The following CHST3 variants were observed in gnomAD, a reference collection of about 807,000 sequenced individuals.
CHST3 encodes C6ST-1.
In CHST3, 20 loss-of-function variants were observed where a neutral mutation model predicts 35.4. The ratio of observed to expected loss-of-function variants is 0.57; its 90% CI spans 0.40 to 0.82. The LOEUF is 0.82. Among genes scored for constraint, CHST3 ranks in the 40% least tolerant of loss-of-function variants. CHST3 has a pLI of 0.00. For missense variants in CHST3, 693 were observed against 670.1 expected (o/e 1.03, Z -0.38); for synonymous variants, 334 against 295.9 (o/e 1.13, Z -1.32).
intron 1 of CHST3, among the ~76,000 whole-genome samples, chr10:71,977,281 G>C (rs1272532686): frequency 6.6e-6 from 1 of 152,184 alleles, no homozygotes; most frequent in African/African-American, 2.4e-5. Context: ...GCAGTCTCAG[G>C]CTCTGGGCTA....
At chr10:71,972,622 C>G (rs190826387) in intron 1 of CHST3, among the ~76,000 whole-genome samples, 2 of 152,304 alleles carry the variant, frequency 1.3e-5, no homozygotes. Context: ...TTCTGCCTCC[C>G]TAGTGGCCAT....
rs1460879406 is a variant in CHST3, at chr10:72,012,622, A to C, written c.*4151A>C. ...CTGATACCTGAGGCAAGGAGAGCTA[A>C]GGGGAGAGAAATTGGGGCTGAGTGG... On this transcript the variant is annotated 3_prime_UTR_variant, in exon 3 of 3. Transcript: ENST00000373115. 6.5e-6 allele frequency: 1 copy of C among 152,714 alleles called. No individual in the cohort carries two copies. The highest frequency in any genetic ancestry group is 2.4e-5 in the African/African-American group (1 of 41,470). The allele number at this position is 152,714 out of a possible 1,614,324, so 9.5% of individuals were successfully genotyped here.
chr10:71,986,109 C>T (rs1245717029), intron 1 of CHST3, among the ~76,000 whole-genome samples: 2 of 152,230 alleles, frequency 1.3e-5, no homozygotes, highest in African/African-American at 4.8e-5. Flanking sequence ...GTTCTCCTGG[C>T]ATCCCTCCCT....
intron 1 of CHST3, among the ~76,000 whole-genome samples, chr10:71,981,251 G>C (rs926157292): frequency 1.3e-5 from 2 of 152,178 alleles, no homozygotes; most frequent in Non-Finnish European, 2.9e-5. Flanking sequence ...CCTCGGCCTT[G>C]CAGCCTGCCA....
chr10:71,992,609 A>G (rs1292322578), intron 1 of CHST3, among the ~76,000 whole-genome samples: 2 of 151,430 alleles, frequency 1.3e-5, no homozygotes, highest in Non-Finnish European at 2.9e-5. Flanking sequence ...ATTAGAGTCA[A>G]TTCTTTCTAA....
chr10:72,007,724 C>G lies in CHST3; in HGVS notation c.693C>G (p.Asp231Glu). ...RRGSSRSLCE[D>E]PVCTPFVKKV... ...GCTCCAGCCGCTCCCTGTGCGAGGA[C>G]CCCGTCTGTACGCCCTTCGTCAAGA... The change falls in exon 3 of 3, where the codon GAC becomes GAG. Residue 231 changes from aspartate (D) to glutamate (E), a missense_variant. Asp to Glu is a conservative substitution (Grantham distance 45). Transcript: ENST00000373115. 1 of 1,605,190 alleles carries G rather than the reference C, an allele frequency of 6.2e-7. No homozygotes were observed. The highest frequency in any genetic ancestry group is 2.2e-5 in the East Asian group (1 of 44,862).
intron 1 of CHST3, among the ~76,000 whole-genome samples, chr10:72,000,352 G>C (rs1012570044): frequency 6.6e-6 from 1 of 152,160 alleles, no homozygotes; most frequent in Non-Finnish European, 1.5e-5. Flanking sequence ...CGGAGTCAAC[G>C]TTCTGGGGGA....
At chr10:71,987,171 G>A (rs1170047900) in intron 1 of CHST3, among the ~76,000 whole-genome samples, 3 of 152,194 alleles carry the variant, frequency 2.0e-5, no homozygotes, top group Non-Finnish European at 4.4e-5. Context: ...CAAGCCTCCT[G>A]CTGCCCAAGA....
chr10:72,008,104 A>C lies in CHST3; in HGVS notation c.1073A>C (p.Gln358Pro), dbSNP rs1840065275. The change falls in exon 3 of 3, where the codon CAG becomes CCG. Residue 358 changes from glutamine to proline, a missense_variant. Physicochemically the swap from Gln to Pro is moderately conservative, Grantham distance 76 (BLOSUM62 -1). Transcript: ENST00000373115. ...CTGTCCGCGGAGCTGGGGCTGCGGC[A>C]GCCCGCCTGGCTGCGGGGCCGCTAC... ...IRLSAELGLR[Q>P]PAWLRGRYML... The C allele has an allele frequency of 2.6e-6, 4 of 1,544,866 alleles. No homozygotes were observed. The highest frequency in any genetic ancestry group is 3.5e-6 in the Non-Finnish European group (4 of 1,143,874).
intron 1 of CHST3, among the ~76,000 whole-genome samples, chr10:71,971,797 C>G (rs957645154): frequency 1.3e-5 from 2 of 152,136 alleles, no homozygotes; most frequent in African/African-American, 4.8e-5. Context: ...GTTAGAGACA[C>G]GGAGAGAAGC....
chr10:72,007,593 T>A lies in CHST3; in HGVS notation c.562T>A (p.Tyr188Asn). 6.2e-7 allele frequency: 1 copy of A among 1,609,576 alleles called. No individual in the cohort carries two copies. The highest frequency in any genetic ancestry group is 8.5e-7 in the Non-Finnish European group (1 of 1,179,738). The change falls in exon 3 of 3, where the codon TAC (tyrosine) becomes AAC (asparagine). Residue 188 changes from tyrosine to asparagine, a missense_variant. Transcript: ENST00000373115. ...CAACGCCGCGGGCTCGGCCCTGGTGTACCGCGACGTGCTCAAGCAGCTCTT... is the reference window on the plus strand; with the variant it reads ...CAACGCCGCGGGCTCGGCCCTGGTGAACCGCGACGTGCTCAAGCAGCTCTT... ...GANAAGSALV[Y>N]RDVLKQLFLC...
intron 1 of CHST3, among the ~76,000 whole-genome samples, chr10:72,002,421 C>T (rs4148937): frequency 0.32 from 49,134 of 151,904 alleles, 9,908 homozygotes; most frequent in Non-Finnish European, 0.46. Context: ...GGCAGCTCCC[C>T]GACCCGCACC....
chr10:71,998,379 A>C (rs1366421815), intron 1 of CHST3, among the ~76,000 whole-genome samples: 1 of 152,240 alleles, frequency 6.6e-6, no homozygotes, highest in Admixed American at 6.5e-5. Context: ...ATGAGCCAGC[A>C]GACTCCTCCC....
At chr10:71,975,312 G>T (rs896686688) in intron 1 of CHST3, among the ~76,000 whole-genome samples, 6 of 152,176 alleles carry the variant, frequency 3.9e-5, no homozygotes, top group African/African-American at 1.4e-4. Flanking sequence ...CTTGTCCAAG[G>T]CCACACAGCC....
intron 2 of CHST3, among the ~76,000 whole-genome samples, chr10:72,006,256 T>C (rs1840038326): frequency 6.6e-6 from 1 of 152,250 alleles, no homozygotes; most frequent in Admixed American, 6.5e-5. Context: ...TTAACATTTC[T>C]GAGTCTTCGG....
At chr10:71,983,340 A>G (rs1165171875) in intron 1 of CHST3, among the ~76,000 whole-genome samples, 1 of 152,212 alleles carries the variant, frequency 6.6e-6, no homozygotes, top group Non-Finnish European at 1.5e-5. Context: ...ACAGCCAGTG[A>G]CAGCCATTTA....
chr10:72,008,158 G>T lies in CHST3; in HGVS notation c.1127G>T (p.Arg376Leu). The change falls in exon 3 of 3, where the codon CGC (arginine) becomes CTC (leucine). Residue 376 changes from arginine (R) to leucine (L), a missense_variant. By Grantham distance (102) the Arg-to-Leu change is moderately radical (BLOSUM62 -2). Coordinates refer to ENST00000373115, the MANE Select transcript of CHST3 (RefSeq NM_004273.5). ...CTGGTGCGCTACGAGGACGTGGCAC[G>T]CGGGCCGCTGCAGAAGGCCCGCGAG... The part of the protein sequence containing the change: ...YMLVRYEDVA[R>L]GPLQKAREMY... The T allele has an allele frequency of 6.5e-7, 1 of 1,548,580 alleles. No homozygotes were observed. Among genetic ancestry groups the T allele is most frequent in the East Asian group, 2.4e-5 (1 of 40,888 alleles).
chr10:71,970,768 A>G (rs1486902784), intron 1 of CHST3, among the ~76,000 whole-genome samples: 1 of 152,244 alleles, frequency 6.6e-6, no homozygotes, highest in Non-Finnish European at 1.5e-5. Flanking sequence ...ATTTTGTGGC[A>G]TCTGAGAAGC....
At position 72,008,639 on chromosome 10, in the gene CHST3, G is replaced by C; in HGVS notation, c.*168G>C. On this transcript the variant is annotated 3_prime_UTR_variant, in exon 3 of 3. Coordinates refer to ENST00000373115, the MANE Select transcript of CHST3 (RefSeq NM_004273.5). ...AAGCGGCGGCCCCAGGGTTAATTGC[G>C]GAGAACAGGACAGTGCCCGGTCCCC... 2 of 1,366,074 alleles carry C rather than the reference G, an allele frequency of 1.5e-6. No homozygotes were observed. Among genetic ancestry groups the C allele is most frequent in the Non-Finnish European group, 1.9e-6 (2 of 1,038,990 alleles). The allele number at this position is 1,366,074 out of a possible 1,614,324, so 84.6% of individuals were successfully genotyped here.
Sources: gnomAD v4.1 joint callset for allele counts (sites outside exome capture counted in the v4.1 genomes callset) on GRCh38, gnomAD v4.1.1 for gene constraint, MANE v1.5 for transcripts, NCBI Gene and HGNC (gene_info 2026-07-23, HGNC 2026-07-21) for gene names.